The following CNTNAP5 variants were observed in gnomAD, a reference collection of about 807,000 sequenced individuals.
CNTNAP5 encodes contactin associated protein family member 5.
CNTNAP5 carries 72 observed loss-of-function variants against 150.2 expected under a neutral mutation model. That is an observed-to-expected ratio of 0.48 (90% CI 0.40 to 0.58). CNTNAP5 has a LOEUF of 0.58. CNTNAP5 is among the 20% of genes least tolerant of loss of function. The pLI is 0.00. For missense variants in CNTNAP5, 1,636 were observed against 1,626.2 expected (o/e 1.01, Z -0.10); for synonymous variants, 672 against 619.8 (o/e 1.08, Z -1.25).
intron 1 of CNTNAP5, among the ~76,000 whole-genome samples, chr2:124,144,645 A>T (rs997075548): frequency 1.0e-4 from 14 of 135,684 alleles, no homozygotes; most frequent in Admixed American, 9.9e-4. Context: ...AATCAATTCA[A>T]GATGGATTAA....
intron 3 of CNTNAP5, among the ~76,000 whole-genome samples, chr2:124,323,919 G>A (rs1210532822): frequency 2.0e-5 from 3 of 152,066 alleles, no homozygotes; most frequent in African/African-American, 7.2e-5. Flanking sequence ...TAGAGAAAGA[G>A]AGCAATAGAG....
chr2:124,699,268 C>A (rs114552816), intron 13 of CNTNAP5, among the ~76,000 whole-genome samples: 1 of 152,198 alleles, frequency 6.6e-6, no homozygotes, highest in Non-Finnish European at 1.5e-5. Context: ...TATCTCAATA[C>A]ATCATCCTGA....
Position 124,118,281 on chromosome 2 carries a change from G to A in CNTNAP5, c.82+92549G>A, listed in dbSNP as rs75839977. 8.1e-3 allele frequency among the ~76,000 whole-genome samples: 1,231 copies of A among 152,184 alleles called. 18 individuals are homozygous for A. Among genetic ancestry groups the A allele is most frequent in the African/African-American group, 0.027 (1,120 of 41,528 alleles). On this transcript the variant is annotated intron_variant, in intron 1 of 23. Coordinates refer to ENST00000682447, the MANE Select transcript of CNTNAP5 (RefSeq NM_001367498.1). ...TAAAGCCAAATGTATATCCTTAAAT[G>A]TTTTGATAACTGAAGGACCTGAAAA...
intron 13 of CNTNAP5, among the ~76,000 whole-genome samples, chr2:124,659,162 C>G (rs937597038): frequency 6.6e-6 from 1 of 152,226 alleles, no homozygotes; most frequent in Non-Finnish European, 1.5e-5. Context: ...GAAAATTTCA[C>G]TCTTCATAAC....
Position 124,897,299 on chromosome 2 carries a change from A to G in CNTNAP5, c.3437-5583A>G, listed in dbSNP as rs548793300. Among the ~76,000 whole-genome samples, 59 of 151,622 alleles carry G rather than the reference A, an allele frequency of 3.9e-4. 3 individuals carry two copies. The highest frequency in any genetic ancestry group is 1.3e-3 in the African/African-American group (54 of 40,976). ...CTTTTATGTTTCCATGGACATAATG[A>G]TCTCCCTCTACTATAAGATTTATTG... is the stretch of plus-strand genomic sequence containing the variant. On this transcript the variant is annotated intron_variant, in intron 21 of 23. Coordinates refer to ENST00000682447, the MANE Select transcript of CNTNAP5 (RefSeq NM_001367498.1).
At chr2:124,448,995 C>A (rs964432467) in intron 6 of CNTNAP5, among the ~76,000 whole-genome samples, 1 of 152,160 alleles carries the variant, frequency 6.6e-6, no homozygotes, top group Non-Finnish European at 1.5e-5. Flanking sequence ...TGCTAGCAGA[C>A]AACTTCAATC....
chr2:124,537,037 T>TGTGAGAGAGA (rs763560577), intron 10 of CNTNAP5, among the ~76,000 whole-genome samples: 36 of 150,642 alleles, frequency 2.4e-4, no homozygotes, highest in Middle Eastern at 3.4e-3. Flanking sequence ...TGTGTGTGTG[T>TGTGAGAGAGA]GAGAGAGAGA....
chr2:124,130,810 C>T (rs1419308171), intron 1 of CNTNAP5, among the ~76,000 whole-genome samples: 3 of 152,122 alleles, frequency 2.0e-5, no homozygotes, highest in African/African-American at 7.2e-5. Flanking sequence ...AGAATCTTCT[C>T]CTTTAGTGCT....
intron 17 of CNTNAP5, among the ~76,000 whole-genome samples, chr2:124,781,526 C>G (rs563194055): frequency 3.3e-4 from 50 of 152,284 alleles, no homozygotes; most frequent in African/African-American, 1.2e-3. Flanking sequence ...GTGTAGGAAG[C>G]AGATCTCTTA....
intron 6 of CNTNAP5, among the ~76,000 whole-genome samples, chr2:124,448,826 A>T (rs991416561): frequency 1.3e-5 from 2 of 152,250 alleles, no homozygotes; most frequent in African/African-American, 4.8e-5. Flanking sequence ...AGAACTTACA[A>T]TAATAGATTA....
chr2:124,673,768 A>G (rs956602171), intron 13 of CNTNAP5, among the ~76,000 whole-genome samples: 5 of 151,854 alleles, frequency 3.3e-5, no homozygotes, highest in African/African-American at 9.7e-5. Context: ...CAGCATTAAA[A>G]AAAAAAAAAG....
intron 3 of CNTNAP5, among the ~76,000 whole-genome samples, chr2:124,249,524 A>G (rs548877083): frequency 6.6e-6 from 1 of 152,322 alleles, no homozygotes; most frequent in African/African-American, 2.4e-5. Context: ...GATAAACTCA[A>G]CCAATTGTTA....
At chr2:124,139,155 A>G (rs369896459) in intron 1 of CNTNAP5, among the ~76,000 whole-genome samples, 1 of 152,034 alleles carries the variant, frequency 6.6e-6, no homozygotes, top group East Asian at 1.9e-4. Flanking sequence ...CCACTCGAAA[A>G]CAAAGGTCAA....
intron 4 of CNTNAP5, among the ~76,000 whole-genome samples, chr2:124,430,067 ATC>A (rs1692336212): frequency 1.3e-5 from 2 of 152,144 alleles, no homozygotes. Context: ...TGAGCATCTA[ATC>A]CAATTGCGAG....
At chr2:124,693,328 A>T (rs1679337420) in intron 13 of CNTNAP5, among the ~76,000 whole-genome samples, 1 of 152,156 alleles carries the variant, frequency 6.6e-6, no homozygotes, top group South Asian at 2.1e-4. Context: ...TAAAAATCCC[A>T]GGAATATCAC....
intron 1 of CNTNAP5, among the ~76,000 whole-genome samples, chr2:124,080,775 C>T (rs1682543038): frequency 1.3e-5 from 2 of 152,270 alleles, no homozygotes; most frequent in South Asian, 4.1e-4. Context: ...TTTAGTGTAT[C>T]TATCTGAAGC....
chr2:124,664,720 C>G (rs12473828), intron 13 of CNTNAP5, among the ~76,000 whole-genome samples: 44,749 of 152,212 alleles, frequency 0.29, 7,525 homozygotes, highest in Non-Finnish European at 0.38. Context: ...GAGTTTTGCT[C>G]TTATCACCCA....
At chr2:124,545,819 C>G (rs185722114) in intron 10 of CNTNAP5, among the ~76,000 whole-genome samples, 64 of 152,266 alleles carry the variant, frequency 4.2e-4, no homozygotes, top group African/African-American at 1.4e-3. Context: ...AAGCCAAGTA[C>G]AGTAGCACAG....
At chr2:124,678,862 C>T (rs375975646) in intron 13 of CNTNAP5, among the ~76,000 whole-genome samples, 5 of 151,960 alleles carry the variant, frequency 3.3e-5, no homozygotes, top group Non-Finnish European at 7.3e-5. Context: ...AAGGGCAAGA[C>T]AAATGTCTGA....
Sources: gnomAD v4.1 joint callset for allele counts (sites outside exome capture counted in the v4.1 genomes callset) on GRCh38, gnomAD v4.1.1 for gene constraint, MANE v1.5 for transcripts, NCBI Gene and HGNC (gene_info 2026-07-23, HGNC 2026-07-21) for gene names.